The following NKAIN3 variants were observed in gnomAD, a reference collection of about 807,000 sequenced individuals.
The protein encoded by NKAIN3 is sodium/potassium-transporting ATPase subunit beta-1-interacting protein 3.
Under a neutral mutation model 30.2 loss-of-function variants are expected in NKAIN3, and 25 were observed. That is an observed-to-expected ratio of 0.83 (90% CI 0.60 to 1.16). The LOEUF (loss-of-function observed/expected upper bound fraction) is 1.16. NKAIN3 is among the 50% of genes most tolerant of loss of function. The pLI, the probability that NKAIN3 is intolerant of heterozygous loss-of-function variation, is 0.00. For missense variants in NKAIN3, 225 were observed against 254.1 expected, an observed-to-expected ratio of 0.89 and a Z score of 0.78; for synonymous variants, 91 against 89.6, an observed-to-expected ratio of 1.02 and a Z score of -0.09.
chr8:62,956,120 C>A (rs1304117715), intron 6 of NKAIN3, among the ~76,000 whole-genome samples: 1 of 152,164 alleles, frequency 6.6e-6, no homozygotes, highest in Non-Finnish European at 1.5e-5. Flanking sequence ...AATATTTCAG[C>A]ATTTATCCAG....
intron 1 of NKAIN3, among the ~76,000 whole-genome samples, chr8:62,532,493 T>C (rs796102040): frequency 5.9e-5 from 9 of 152,340 alleles, no homozygotes; most frequent in South Asian, 2.1e-4. Flanking sequence ...CATGTTTTCA[T>C]AGAGCTGGGA....
chr8:62,683,753 AG>A (rs1813716169), intron 3 of NKAIN3, among the ~76,000 whole-genome samples: 1 of 152,274 alleles, frequency 6.6e-6, no homozygotes, highest in East Asian at 1.9e-4. Context: ...ATGGAATGAA[AG>A]GGGATTTGGT....
intron 4 of NKAIN3, among the ~76,000 whole-genome samples, chr8:62,820,991 T>C (rs1355932386): frequency 1.3e-5 from 2 of 152,170 alleles, no homozygotes; most frequent in Non-Finnish European, 2.9e-5. Flanking sequence ...GCAGGAGAAT[T>C]TTAATTAATG....
Position 62,902,296 on chromosome 8 carries a change from A to G in NKAIN3, c.472-16157A>G, listed in dbSNP as rs187900736. Among the ~76,000 whole-genome samples the G allele has an allele frequency of 3.3e-4, 51 of 152,336 alleles. No individual in the cohort carries two copies. In the East Asian group the frequency reaches 8.7e-3, roughly 26 times the overall value. On this transcript the variant is annotated intron_variant, in intron 4 of 6. Coordinates refer to ENST00000623646, the MANE Select transcript of NKAIN3 (RefSeq NM_001304533.3). ...TAAGCCAGAAACCAGATTCAAAATG[A>G]GTGGTAAGAACAAGGGTTTTAAGTA...
intron 5 of NKAIN3, among the ~76,000 whole-genome samples, chr8:62,942,215 CATATATATACATATATATACACAT>C (rs1822981813): frequency 2.6e-5 from 1 of 38,502 alleles, no homozygotes; most frequent in African/African-American, 1.1e-4. Flanking sequence ...TATATATACA[CATATATATACATATATATACACAT>C]ATATATACAT....
At chr8:62,480,203 C>T (rs1806668859) in intron 1 of NKAIN3, among the ~76,000 whole-genome samples, 1 of 152,112 alleles carries the variant, frequency 6.6e-6, no homozygotes, top group Admixed American at 6.6e-5. Context: ...CTTTCCATTA[C>T]TATGAATTTG....
chr8:62,601,386 G>T (rs142483687), intron 3 of NKAIN3, among the ~76,000 whole-genome samples: 1 of 151,940 alleles, frequency 6.6e-6, no homozygotes, highest in Admixed American at 6.6e-5. Context: ...AAATTGTACA[G>T]AAATAGCATC....
chr8:62,732,559 A>G (rs1815507153), intron 3 of NKAIN3, among the ~76,000 whole-genome samples: 2 of 151,886 alleles, frequency 1.3e-5, no homozygotes, highest in African/African-American at 2.4e-5. Flanking sequence ...AGCTGCATGT[A>G]TTAGATCAAA....
At chr8:62,985,124 G>T (rs1450624371), downstream of NKAIN3, among the ~76,000 whole-genome samples, 1 of 152,170 alleles carries the variant, frequency 6.6e-6, no homozygotes, top group East Asian at 1.9e-4. Context: ...TAAATGTTCT[G>T]CAAGTGTACC....
intron 4 of NKAIN3, among the ~76,000 whole-genome samples, chr8:62,870,369 AATAT>A (rs1820588125): frequency 7.3e-6 from 1 of 136,428 alleles, no homozygotes; most frequent in South Asian, 2.2e-4. Context: ...GCATATACTA[AATAT>A]ATACACTATA....
intron 1 of NKAIN3, among the ~76,000 whole-genome samples, chr8:62,443,949 C>A (rs1805407582): frequency 6.6e-6 from 1 of 152,044 alleles, no homozygotes; most frequent in South Asian, 2.1e-4. Flanking sequence ...CTCTAACAGG[C>A]ATTACTGTTA....
intron 1 of NKAIN3, among the ~76,000 whole-genome samples, chr8:62,250,056 C>T (rs1812051515): frequency 6.6e-6 from 1 of 152,158 alleles, no homozygotes; most frequent in Admixed American, 6.5e-5. Flanking sequence ...CTCTGCCAAG[C>T]TTTCTTCCAA....
intron 3 of NKAIN3, among the ~76,000 whole-genome samples, chr8:62,591,514 T>G (rs1810653468): frequency 6.6e-6 from 1 of 152,018 alleles, no homozygotes; most frequent in African/African-American, 2.4e-5. Flanking sequence ...CATATAACTC[T>G]GATTTCCCAC....
chr8:62,989,688 C>T (rs939290790), downstream of NKAIN3, among the ~76,000 whole-genome samples: 4 of 151,732 alleles, frequency 2.6e-5, no homozygotes, highest in Non-Finnish European at 4.4e-5. Flanking sequence ...GACTCTGTCT[C>T]GAAAAAACAT....
chr8:62,836,356 C>T (rs1163112068), intron 4 of NKAIN3, among the ~76,000 whole-genome samples: 1 of 152,004 alleles, frequency 6.6e-6, no homozygotes, highest in Non-Finnish European at 1.5e-5. Context: ...AAAATTTCCA[C>T]TCAAACCCCA....
At chr8:62,590,914 T>A (rs1386018566) in intron 3 of NKAIN3, among the ~76,000 whole-genome samples, 2 of 151,942 alleles carry the variant, frequency 1.3e-5, no homozygotes, top group African/African-American at 4.8e-5. Flanking sequence ...GAGTTCAGTA[T>A]ATTTGGACTA....
intron 3 of NKAIN3, among the ~76,000 whole-genome samples, chr8:62,717,546 T>G (rs1422780639): frequency 6.6e-6 from 1 of 152,162 alleles, no homozygotes; most frequent in African/African-American, 2.4e-5. Context: ...ATTATCCAGC[T>G]AATTTGATCA....
chr8:62,860,383 CCACTCACT>C (rs1467814675), intron 4 of NKAIN3, among the ~76,000 whole-genome samples: 2 of 152,154 alleles, frequency 1.3e-5, no homozygotes, highest in Non-Finnish European at 2.9e-5. Flanking sequence ...TGAAATCATA[CCACTCACT>C]CAAGGGGCTG....
intron 4 of NKAIN3, among the ~76,000 whole-genome samples, chr8:62,768,741 C>T (rs1217752966): frequency 6.6e-6 from 1 of 152,148 alleles, no homozygotes; most frequent in Non-Finnish European, 1.5e-5. Flanking sequence ...GTTTTCATGT[C>T]ACTAGTGTCT....
Sources: allele counts gnomAD v4.1 joint callset (sites outside exome capture counted in the v4.1 genomes callset), GRCh38; gene constraint gnomAD v4.1.1; transcripts MANE v1.5; gene names NCBI Gene and HGNC (gene_info 2026-07-23, HGNC 2026-07-21).